Variants in VPS26A observed in about 807,000 individuals in gnomAD.
VPS26A encodes the protein VPS26 retromer complex component A, also known as vacuolar protein sorting-associated protein 26A.
In VPS26A, 22 loss-of-function variants were observed where a neutral mutation model predicts 42.4. The observed-to-expected ratio is 0.52, with a 90% CI of 0.37 to 0.74. The LOEUF (loss-of-function observed/expected upper bound fraction) is 0.74. VPS26A is among the 30% of genes least tolerant of loss of function. The pLI, the probability that VPS26A is intolerant of heterozygous loss-of-function variation, is 0.00. For missense variants in VPS26A, 276 were observed against 379.2 expected (o/e 0.73, Z 2.26); for synonymous variants, 110 against 123.5 (o/e 0.89, Z 0.73).
intron 5 of VPS26A, among the ~76,000 whole-genome samples, chr10:69,160,127 TACACACACACACACAC>T (rs71035066): frequency 0.32 from 48,069 of 148,388 alleles, 8,661 homozygotes; most frequent in Middle Eastern, 0.44. Flanking sequence ...ACATAATTTT[TACACACACACACACAC>T]ACACACACAC....
At chr10:69,125,442 G>A (rs1407975124) in intron 1 of VPS26A, among the ~76,000 whole-genome samples, 1 of 152,150 alleles carries the variant, frequency 6.6e-6, no homozygotes, top group Non-Finnish European at 1.5e-5. Context: ...ACATTTATTT[G>A]TGTAAATTAT....
intron 5 of VPS26A, 23 bp from the exon 6 acceptor site, chr10:69,162,383 T>G: frequency 1.8e-4 from 211 of 1,197,940 alleles, no homozygotes; most frequent in Non-Finnish European, 2.4e-4. Flanking sequence ...TGATATTTAG[T>G]GAGATATGTT....
intron 2 of VPS26A, among the ~76,000 whole-genome samples, chr10:69,134,593 A>G (rs1311005060): frequency 1.3e-5 from 2 of 152,016 alleles, no homozygotes; most frequent in Non-Finnish European, 2.9e-5. Context: ...GGCAGAAACA[A>G]TCTTATTATT....
At position 69,169,616 on chromosome 10, in the gene VPS26A, G is replaced by GT. The variant is rs1205896254; in HGVS notation, c.870+995dup. Among the ~76,000 whole-genome samples, 1,127 of 140,132 alleles carry GT rather than the reference G, an allele frequency of 8.0e-3. 10 individuals carry two copies. Among genetic ancestry groups the GT allele is most frequent in the African/African-American group, 0.026 (1,014 of 38,602 alleles). The allele number at this position is 140,132 out of a possible 152,430, so 91.9% of individuals were successfully genotyped here. On this transcript the variant is annotated intron_variant, in intron 8 of 8. Transcript: ENST00000263559. Reference sequence around the variant, plus strand: ...CCAGCCTCTAATCCTTTTTTTTTAAGTTTTTTTTTTGAGACAGAGTCTCGC... The same window carrying GT: ...CCAGCCTCTAATCCTTTTTTTTTAAGTTTTTTTTTTTGAGACAGAGTCTCGC...
chr10:69,131,162 T>TA (rs911942742), intron 1 of VPS26A, among the ~76,000 whole-genome samples: 13 of 152,134 alleles, frequency 8.5e-5, no homozygotes, highest in African/African-American at 3.1e-4. Flanking sequence ...ATTTTTGTAT[T>TA]AAAGACGGGG....
intron 2 of VPS26A, among the ~76,000 whole-genome samples, chr10:69,151,278 A>AAAAC (rs1399591330): frequency 0.025 from 1,436 of 56,410 alleles, 42 homozygotes; most frequent in Middle Eastern, 0.045. Context: ...AAAAAAAAAA[A>AAAAC]AAAAACACAC....
intron 2 of VPS26A, among the ~76,000 whole-genome samples, chr10:69,154,719 A>C (rs1841392615): frequency 1.3e-5 from 2 of 151,906 alleles, no homozygotes; most frequent in Admixed American, 6.6e-5. Flanking sequence ...TTTTTTAATT[A>C]GCTTGGTGTA....
In VPS26A at chr10:69,170,525, T is replaced by C. The variant is rs1841793018; in HGVS notation, c.871-631T>C. ...TGGATTGGTTAGGGTAAGAGTTAGGTAGAGAAATCGAGATTTGAAGACTGG... is the reference window on the plus strand; with the variant it reads ...TGGATTGGTTAGGGTAAGAGTTAGGCAGAGAAATCGAGATTTGAAGACTGG... On this transcript the variant is annotated intron_variant, in intron 8 of 8. Coordinates refer to ENST00000263559, the MANE Select transcript of VPS26A (RefSeq NM_004896.5). Among the ~76,000 whole-genome samples the C allele has an allele frequency of 2.0e-5, 3 of 152,100 alleles. No homozygotes were observed. In the South Asian group the frequency reaches 6.2e-4, roughly 32 times the overall value.
intron 2 of VPS26A, among the ~76,000 whole-genome samples, chr10:69,152,880 G>T (rs1313990219): frequency 1.3e-5 from 2 of 151,546 alleles, no homozygotes; most frequent in Admixed American, 6.6e-5. Context: ...TGAGGCAGGA[G>T]AATGGCATGA....
chr10:69,150,607 C>T (rs917613283), intron 2 of VPS26A, among the ~76,000 whole-genome samples: 3 of 149,340 alleles, frequency 2.0e-5, no homozygotes, highest in African/African-American at 2.5e-5. Flanking sequence ...CCATGTTACC[C>T]AGGATGGTCT....
chr10:69,158,377 C>T (rs1417769208), intron 5 of VPS26A, among the ~76,000 whole-genome samples, 166 bp downstream of exon 5: 2 of 152,184 alleles, frequency 1.3e-5, no homozygotes, highest in Non-Finnish European at 2.9e-5. Context: ...CTGGTTTCCA[C>T]TCAGTAAAGG....
At chr10:69,156,194 TAGC>T (rs1171738141) in intron 3 of VPS26A, among the ~76,000 whole-genome samples, 1 of 151,882 alleles carries the variant, frequency 6.6e-6, no homozygotes, top group Non-Finnish European at 1.5e-5. Flanking sequence ...TTCTTATAAT[TAGC>T]AGCCTCACCT....
chr10:69,133,623 C>T, intron 2 of VPS26A: 1 of 1,287,520 alleles, frequency 7.8e-7, no homozygotes, highest in Non-Finnish European at 1.0e-6. Context: ...ACTTTTTTCC[C>T]CTTTTCTTTA....
chr10:69,167,161 G>T (rs1342628221), intron 7 of VPS26A, among the ~76,000 whole-genome samples: 5 of 151,832 alleles, frequency 3.3e-5, no homozygotes, highest in Non-Finnish European at 7.4e-5. Context: ...CGGGCGTGGT[G>T]GCTCACGCCT....
Position 69,155,818 on chromosome 10 carries a change from C to T in VPS26A, c.160C>T (p.Leu54=), listed in dbSNP as rs1250967855. Residue 54 remains leucine (L), a synonymous_variant, in exon 3 of 9, where the codon CTA becomes TTA. Coordinates refer to ENST00000263559, the MANE Select transcript of VPS26A (RefSeq NM_004896.5). ...TAATTTCATGTTTTGGCAGGTAAAC[C>T]TAGCCTTTAAGCAACCTGGAAAGAG... ...DGESVSGKVN[L]AFKQPGKRLE... The T allele has an allele frequency of 6.2e-7, 1 of 1,611,602 alleles. No individual in the cohort carries two copies. Among genetic ancestry groups the T allele is most frequent in the Non-Finnish European group, 8.5e-7 (1 of 1,178,716 alleles).
At chr10:69,134,748 AT>A (rs201216421) in intron 2 of VPS26A, among the ~76,000 whole-genome samples, 4,522 of 151,786 alleles carry the variant, frequency 0.03, 100 homozygotes, top group Middle Eastern at 0.075. Flanking sequence ...TCCGAAGTGA[AT>A]TTTTTGGTTT....
rs879883712 is a variant in VPS26A, at chr10:69,170,093, C to A, written c.871-1063C>A. On this transcript the variant is annotated intron_variant, in intron 8 of 8. Transcript: ENST00000263559. ...GTGTTCAAAGCTAAGTTAGAAATTACCCTGTCCTAAGTACTGTGAAAAATA... is the reference window on the plus strand; with the variant it reads ...GTGTTCAAAGCTAAGTTAGAAATTAACCTGTCCTAAGTACTGTGAAAAATA... The A allele has an allele frequency of 5.6e-4, 85 of 152,116 alleles. 1 individual carries two copies. The highest frequency in any genetic ancestry group is 2.0e-3 in the African/African-American group (81 of 41,418). 9.4% of individuals were successfully genotyped at this position (152,116 alleles called of 1,614,324 possible). A position where few individuals can be genotyped will look rare whatever the true frequency, so the allele number is the denominator to read the frequency against.
intron 2 of VPS26A, among the ~76,000 whole-genome samples, chr10:69,139,924 T>G (rs1241312109): frequency 6.6e-6 from 1 of 152,200 alleles, no homozygotes; most frequent in Non-Finnish European, 1.5e-5. Context: ...TCGTATAGCC[T>G]GTTTTGAAAT....
intron 2 of VPS26A, among the ~76,000 whole-genome samples, chr10:69,135,717 T>C (rs191123568): frequency 6.6e-6 from 1 of 152,392 alleles, no homozygotes; most frequent in Admixed American, 6.5e-5. Context: ...AAAGTTACTA[T>C]ATCTTGAATC....
Sources: gnomAD v4.1 joint callset for allele counts (sites outside exome capture counted in the v4.1 genomes callset) on GRCh38, gnomAD v4.1.1 for gene constraint, MANE v1.5 for transcripts, NCBI Gene and HGNC (gene_info 2026-07-23, HGNC 2026-07-21) for gene names.